Variants in RALYL observed in about 807,000 individuals in gnomAD.
RALYL encodes RALY RNA binding protein like.
Under a neutral mutation model 35.1 loss-of-function variants are expected in RALYL, and 29 were observed. The ratio of observed to expected loss-of-function variants is 0.83; its 90% CI spans 0.61 to 1.13. The LOEUF is 1.13. Ranked by LOEUF, RALYL falls within the 50% of genes most tolerant of loss-of-function variation. RALYL has a pLI of 0.00. For synonymous variants in RALYL, 120 were observed against 127.6 expected (o/e 0.94, Z 0.40); for missense variants, 359 against 360.4 (o/e 1.00, Z 0.03).
At chr8:84,650,726 A>G (rs1230261679) in intron 2 of RALYL, among the ~76,000 whole-genome samples, 74 of 151,898 alleles carry the variant, frequency 4.9e-4, no homozygotes, top group Admixed American at 2.1e-3. Context: ...TACTGGGTAT[A>G]TACCCAAAGG....
intron 2 of RALYL, among the ~76,000 whole-genome samples, chr8:84,674,550 G>A (rs540851446): frequency 5.9e-5 from 9 of 152,164 alleles, no homozygotes; most frequent in Admixed American, 3.3e-4. Flanking sequence ...GCATTCTTTT[G>A]TAGTTATCTC....
In RALYL at chr8:84,350,143, C is replaced by A. The variant is rs927440881; in HGVS notation, c.-24+165719C>A. 8.6e-5 allele frequency among the ~76,000 whole-genome samples: 13 copies of A among 150,380 alleles called. 1 individual carries two copies. The highest frequency in any genetic ancestry group is 3.0e-4 in the African/African-American group (12 of 40,432). On this transcript the variant is annotated intron_variant, in intron 1 of 8. Coordinates refer to ENST00000521268, the MANE Select transcript of RALYL (RefSeq NM_173848.7). ...CACAGTTTGAAAATATATTCAGGTACCAAATGGCTTTTCGTAAGACACTGG... is the reference window on the plus strand; with the variant it reads ...CACAGTTTGAAAATATATTCAGGTAACAAATGGCTTTTCGTAAGACACTGG...
At chr8:84,540,213 A>G (rs908984113) in intron 2 of RALYL, among the ~76,000 whole-genome samples, 10 of 151,806 alleles carry the variant, frequency 6.6e-5, no homozygotes, top group Admixed American at 6.6e-4. Flanking sequence ...TTCCTTGCTT[A>G]TTCTAGAATA....
intron 2 of RALYL, among the ~76,000 whole-genome samples, chr8:84,583,315 ATGAG>A (rs1202668158): frequency 6.6e-6 from 1 of 152,164 alleles, no homozygotes; most frequent in Non-Finnish European, 1.5e-5. Context: ...AATAAAATTA[ATGAG>A]TGAGATCTGT....
intron 8 of RALYL, among the ~76,000 whole-genome samples, chr8:84,889,553 A>G (rs1260914035): frequency 6.6e-6 from 1 of 152,130 alleles, no homozygotes; most frequent in Non-Finnish European, 1.5e-5. Context: ...TTCTCTTTCT[A>G]CACCCTGTCC....
At chr8:84,218,337 A>T (rs996563741) in intron 1 of RALYL, among the ~76,000 whole-genome samples, 1 of 152,002 alleles carries the variant, frequency 6.6e-6, no homozygotes, top group Admixed American at 6.6e-5. Context: ...TTGCAGAATG[A>T]TGACTTCCTA....
At chr8:84,781,990 G>C (rs1051957854) in intron 3 of RALYL, among the ~76,000 whole-genome samples, 18 of 151,902 alleles carry the variant, frequency 1.2e-4, no homozygotes, top group African/African-American at 4.4e-4. Context: ...GTACCACCTT[G>C]AGTAGCATTT....
intron 5 of RALYL, among the ~76,000 whole-genome samples, chr8:84,861,765 A>G (rs1223846529): frequency 6.6e-6 from 1 of 152,098 alleles, no homozygotes; most frequent in East Asian, 1.9e-4. Flanking sequence ...CACCATATTG[A>G]TTTGTCTGTC....
At chr8:84,908,493 C>A (rs960878070) in intron 8 of RALYL, among the ~76,000 whole-genome samples, 1 of 152,100 alleles carries the variant, frequency 6.6e-6, no homozygotes, top group Admixed American at 6.6e-5. Flanking sequence ...AACGTAATGT[C>A]CTCCAGGCTT....
intron 2 of RALYL, among the ~76,000 whole-genome samples, chr8:84,685,051 G>A (rs1387027877): frequency 6.6e-6 from 1 of 152,086 alleles, no homozygotes; most frequent in Non-Finnish European, 1.5e-5. Flanking sequence ...TCCTTATGAA[G>A]GCACTAATCC....
At chr8:84,835,502 T>TAAAAAAA (rs35745516) in intron 4 of RALYL, among the ~76,000 whole-genome samples, 56 of 96,266 alleles carry the variant, frequency 5.8e-4, no homozygotes, top group East Asian at 8.6e-4. Flanking sequence ...CTGTCTCTAC[T>TAAAAAAA]AAAAAAAAAA....
intron 2 of RALYL, among the ~76,000 whole-genome samples, chr8:84,622,591 C>T (rs1341628671): frequency 6.6e-6 from 1 of 152,030 alleles, no homozygotes; most frequent in Non-Finnish European, 1.5e-5. Flanking sequence ...TCCACAGAGT[C>T]GAGGGGCATT....
At chr8:84,840,080 C>T (rs904292840) in intron 4 of RALYL, among the ~76,000 whole-genome samples, 22 of 152,230 alleles carry the variant, frequency 1.4e-4, no homozygotes, top group East Asian at 5.8e-4. Context: ...TCCAAAGGAA[C>T]GCAGCTCCTC....
chr8:84,610,328 T>C (rs975560901), intron 2 of RALYL, among the ~76,000 whole-genome samples: 1 of 152,064 alleles, frequency 6.6e-6, no homozygotes, highest in South Asian at 2.1e-4. Flanking sequence ...GTCAGGTGTT[T>C]TGTAAGATTC....
At chr8:84,894,252 G>A (rs752024746) in intron 8 of RALYL, among the ~76,000 whole-genome samples, 40 of 152,064 alleles carry the variant, frequency 2.6e-4, no homozygotes, top group South Asian at 4.1e-4. Flanking sequence ...TATCAACTGC[G>A]CTTCTCTTTC....
chr8:84,189,630 T>A (rs556709483), intron 1 of RALYL, among the ~76,000 whole-genome samples: 2 of 151,900 alleles, frequency 1.3e-5, no homozygotes, highest in East Asian at 3.9e-4. Flanking sequence ...CCATAGGTGG[T>A]AAAGGGAAAT....
intron 1 of RALYL, among the ~76,000 whole-genome samples, chr8:84,489,340 C>A (rs901495743): frequency 6.6e-6 from 1 of 151,796 alleles, no homozygotes; most frequent in Non-Finnish European, 1.5e-5. Flanking sequence ...TTGATGTTAA[C>A]AAAAGTTAAA....
chr8:84,310,764 T>TAATGTATAGTATA (rs1842611347), intron 1 of RALYL, among the ~76,000 whole-genome samples: 1 of 150,984 alleles, frequency 6.6e-6, no homozygotes. Flanking sequence ...AAATGTATAT[T>TAATGTATAGTATA]AGGCCGGGTG....
intron 1 of RALYL, among the ~76,000 whole-genome samples, chr8:84,329,316 T>A (rs1846388359): frequency 1.3e-5 from 2 of 152,144 alleles, no homozygotes; most frequent in South Asian, 4.1e-4. Flanking sequence ...TGTGAGATGG[T>A]ATCTCATTGT....
Sources: gnomAD v4.1 joint callset for allele counts (sites outside exome capture counted in the v4.1 genomes callset) on GRCh38, gnomAD v4.1.1 for gene constraint, MANE v1.5 for transcripts, NCBI Gene and HGNC (gene_info 2026-07-23, HGNC 2026-07-21) for gene names.